The following RYR3 variants were observed in gnomAD, a reference collection of about 807,000 sequenced individuals.
RYR3 encodes brain ryanodine receptor-calcium release channel.
RYR3 carries 207 observed loss-of-function variants against 584.3 expected under a neutral mutation model. The observed-to-expected ratio is 0.35, with a 90% CI of 0.32 to 0.40. RYR3 has a LOEUF of 0.40. Ranked by LOEUF, RYR3 falls within the 10% of genes least tolerant of loss-of-function variation. RYR3 has a pLI of 1.00. For missense variants in RYR3, 5,616 were observed against 6,089.2 expected (o/e 0.92, Z 2.59); for synonymous variants, 2,416 against 2,248.5 (o/e 1.07, Z -2.11).
chr15:33,379,681 C>CTATATA (rs1200090160), intron 1 of RYR3, among the ~76,000 whole-genome samples: 1 of 118,638 alleles, frequency 8.4e-6, no homozygotes, highest in Non-Finnish European at 1.7e-5. Context: ...CTCTCTCTCT[C>CTATATA]TCTCTCTATA....
rs373739253 is a variant in RYR3, at chr15:33,757,761, A to T, written c.8705+165A>T. 206 of 725,896 alleles carry T rather than the reference A, an allele frequency of 2.8e-4. 1 individual carries two copies. The East Asian group carries it at 5.2e-3, about 18-fold the overall frequency. 45.0% of individuals were successfully genotyped at this position (725,896 alleles called of 1,614,324 possible). A position where few individuals can be genotyped will look rare whatever the true frequency, so the allele number is the denominator to read the frequency against. ...AACTATATTCATACATATCTGAATT[A>T]TTTCAGCAACCAATTGAGGTATACT... On this transcript the variant is annotated intron_variant, in intron 60 of 103. Transcript: ENST00000634891.
At chr15:33,386,159 C>T (rs2041588145) in intron 1 of RYR3, among the ~76,000 whole-genome samples, 1 of 152,132 alleles carries the variant, frequency 6.6e-6, no homozygotes, top group South Asian at 2.1e-4. Flanking sequence ...TTGATTCATA[C>T]AGCCTGAAAT....
chr15:33,598,662 G>A (rs2059510848), intron 16 of RYR3, among the ~76,000 whole-genome samples: 1 of 152,004 alleles, frequency 6.6e-6, no homozygotes, highest in Non-Finnish European at 1.5e-5. Context: ...TTCCCTGTTG[G>A]AAGCAAGCTC....
At chr15:33,721,882 A>T (rs745427757) in intron 43 of RYR3, among the ~76,000 whole-genome samples, 1 of 152,198 alleles carries the variant, frequency 6.6e-6, no homozygotes. Flanking sequence ...TAATCACTTT[A>T]TCAGGAAATG....
chr15:33,352,687 AT>A, intron 1 of RYR3, among the ~76,000 whole-genome samples: 1 of 152,218 alleles, frequency 6.6e-6, no homozygotes, highest in African/African-American at 2.4e-5. Context: ...ATAGAATATT[AT>A]TCACAAGCAA....
chr15:33,694,585 T>C lies in RYR3; in HGVS notation c.5861-1633T>C, dbSNP rs1232818320. 2.6e-5 allele frequency among the ~76,000 whole-genome samples: 4 copies of C among 152,180 alleles called. 1 individual carries two copies. In the South Asian group the frequency reaches 8.3e-4, roughly 32 times the overall value. On this transcript the variant is annotated intron_variant, in intron 38 of 103. Transcript: ENST00000634891. ...ATATGACAGACAATAAAATTAGGGT[T>C]TCTCCTCCAAAATATATACATGTGA...
Position 33,631,297 on chromosome 15 carries a change from G to C in RYR3, c.2867+4G>C. The C allele has an allele frequency of 1.3e-6, 2 of 1,565,538 alleles. No individual in the cohort carries two copies. Among genetic ancestry groups the C allele is most frequent in the Admixed American group, 1.9e-5 (1 of 53,664 alleles). On this transcript the variant is annotated splice_donor_region_variant and intron_variant, in intron 23 of 103. Transcript: ENST00000634891. The stretch of plus-strand genomic sequence containing the variant: ...AGAAGGTCAAACTGCCCAAAAAGTA[G>C]GTGATTTTTTTTTTAATGGTTCAAG...
rs1163446576 is a variant in RYR3 at position 33,412,037 on chromosome 15, T to C, written c.52-61382T>C. ...TATTACTGTGAAGGTAATATCCAAC[T>C]TAGGTTCCCAGTGTGTCAGCCACAC... On this transcript the variant is annotated intron_variant, in intron 1 of 103. Transcript: ENST00000634891. This position sits in a 1 kb window ranked among gnomAD's most constrained non-coding sequence, Gnocchi z 4.3. Among the ~76,000 whole-genome samples the C allele has an allele frequency of 6.6e-6, 1 of 152,188 alleles. No individual in the cohort carries two copies. The highest frequency in any genetic ancestry group is 1.9e-4 in the East Asian group (1 of 5,194).
At chr15:33,579,189 G>T (rs2058469424) in intron 12 of RYR3, among the ~76,000 whole-genome samples, 2 of 152,112 alleles carry the variant, frequency 1.3e-5, no homozygotes, top group Admixed American at 6.5e-5. Flanking sequence ...GGGACACTGA[G>T]AAAGGAGGGT....
intron 38 of RYR3, among the ~76,000 whole-genome samples, chr15:33,681,802 T>C (rs2064642252): frequency 6.6e-6 from 1 of 152,204 alleles, no homozygotes; most frequent in Non-Finnish European, 1.5e-5. Context: ...CTCAAAGTGA[T>C]TGGATGACTT....
intron 16 of RYR3, among the ~76,000 whole-genome samples, chr15:33,598,895 A>AT (rs527553143): frequency 1.2e-3 from 177 of 152,290 alleles, no homozygotes; most frequent in African/African-American, 4.1e-3. Flanking sequence ...CTACTAAAAA[A>AT]TACAAAAAAA....
rs763057104 is a variant in RYR3, at chr15:33,800,795, G to T, written c.9856G>T (p.Ala3286Ser). Residue 3286 changes from alanine (A) to serine (S), a missense_variant, in exon 68 of 104, where the codon GCT (alanine) becomes TCT (serine). Physicochemically the swap from Ala to Ser is moderately conservative, Grantham distance 99 (BLOSUM62 1). Around this residue, in one of 9 missense-constraint regions of RYR3, gnomAD observed 954 missense variants for 1,132.2 expected, o/e 0.84. Coordinates refer to ENST00000634891, the MANE Select transcript of RYR3 (RefSeq NM_001036.6). ...ATCTAACTGGCTGAAAAGTCCTGATGCTGATTCTGACCAGCTCTTCCGCAT... is the reference window on the plus strand; with the variant it reads ...ATCTAACTGGCTGAAAAGTCCTGATTCTGATTCTGACCAGCTCTTCCGCAT... ...NRSNWLKSPDADSDQLFRMVA... is the reference protein window; with the variant it reads ...NRSNWLKSPDSDSDQLFRMVA... 1 of 1,613,744 alleles carries T rather than the reference G, an allele frequency of 6.2e-7. No individual in the cohort carries two copies. The highest frequency in any genetic ancestry group is 8.5e-7 in the Non-Finnish European group (1 of 1,179,682).
intron 2 of RYR3, among the ~76,000 whole-genome samples, chr15:33,478,842 T>A (rs952903220): frequency 6.6e-6 from 1 of 152,202 alleles, no homozygotes; most frequent in African/African-American, 2.4e-5. Context: ...TAAAATAAGT[T>A]TCAACAGACC....
At chr15:33,483,261 C>T (rs936200825) in intron 2 of RYR3, among the ~76,000 whole-genome samples, 1 of 151,980 alleles carries the variant, frequency 6.6e-6, no homozygotes, top group Non-Finnish European at 1.5e-5. Context: ...TTATTTAAAT[C>T]CTTGACTACC....
chr15:33,864,187 C>G lies in RYR3; in HGVS notation c.14515C>G (p.Gln4839Glu), dbSNP rs1225273407. The G allele has an allele frequency of 6.2e-7, 1 of 1,609,844 alleles. No homozygotes were observed. Among genetic ancestry groups the G allele is most frequent in the Non-Finnish European group, 8.5e-7 (1 of 1,177,450 alleles). Residue 4839 changes from glutamine (Q) to glutamate (E), a missense_variant and splice_region_variant, in exon 103 of 104, where the codon CAG becomes GAG. By Grantham distance (29) the Gln-to-Glu change is conservative (BLOSUM62 2). Coordinates refer to ENST00000634891, the MANE Select transcript of RYR3 (RefSeq NM_001036.6). ...TAAAGATGAAACAGAGCACACGGGT[C>G]AGGTGAGAAATTAAGAATCATATAC... ...INKDETEHTG[Q>E]ESYVWKMYQE...
intron 94 of RYR3, chr15:33,852,133 G>C (rs2079170456): frequency 6.6e-6 from 1 of 152,014 alleles, no homozygotes; most frequent in Non-Finnish European, 1.5e-5. Flanking sequence ...TGGAGAATAG[G>C]GAACTGTTGT....
rs139758855 is a variant in RYR3 at position 33,857,919 on chromosome 15, G to GAGCCCACCCACTGCGGGGCC, written c.14142+27_14142+46dup. On this transcript the variant is annotated splice_donor_region_variant and intron_variant, in intron 99 of 103. Coordinates refer to ENST00000634891, the MANE Select transcript of RYR3 (RefSeq NM_001036.6). Reference sequence around the variant, plus strand: ...AAGTGCGACGACATGATGACGGTGAGAGCCCACCCACTGCGGGGCCAGCCC... The same window carrying GAGCCCACCCACTGCGGGGCC: ...AAGTGCGACGACATGATGACGGTGAGAGCCCACCCACTGCGGGGCCAGCCCACCCACTGCGGGGCCAGCCC... 144 of 1,613,326 alleles carry GAGCCCACCCACTGCGGGGCC rather than the reference G, an allele frequency of 8.9e-5. No homozygotes were observed. Among genetic ancestry groups the GAGCCCACCCACTGCGGGGCC allele is most frequent in the Middle Eastern group, 5.0e-4 (3 of 6,042 alleles).
chr15:33,459,243 T>C (rs926683965), intron 1 of RYR3, among the ~76,000 whole-genome samples: 3 of 152,212 alleles, frequency 2.0e-5, no homozygotes, highest in Non-Finnish European at 4.4e-5. Context: ...GTTCTTTTCC[T>C]GTAGGCTCAT....
Position 33,660,292 on chromosome 15 carries a change from CG to C in RYR3, c.4492del (p.Val1498CysfsTer11). On this transcript the variant is annotated frameshift_variant, in exon 34 of 104. Coordinates refer to ENST00000634891, the MANE Select transcript of RYR3 (RefSeq NM_001036.6). LOFTEE classifies it high-confidence loss of function. ...GGCTGGACGTCCAAACCATCCAGCC[CG>C]TGCTCTGGAGCCGCATGCCCAACAG... ...PRLDVQTIQP[V>X]LWSRMPNSFL... 6.4e-7 allele frequency: 1 copy of C among 1,567,924 alleles called. No individual in the cohort carries two copies. Among genetic ancestry groups the C allele is most frequent in the Non-Finnish European group, 8.6e-7 (1 of 1,156,558 alleles).
Sources: allele counts gnomAD v4.1 joint callset (sites outside exome capture counted in the v4.1 genomes callset), GRCh38; gene constraint gnomAD v4.1.1; regional missense constraint gnomAD v4.1.1; non-coding constraint Gnocchi (gnomAD v3.1); transcripts MANE v1.5; gene names NCBI Gene and HGNC (gene_info 2026-07-23, HGNC 2026-07-21).